Variants in KIF24 observed in about 807,000 individuals in gnomAD.
KIF24 encodes kinesin-like protein KIF24.
KIF24 carries 81 observed loss-of-function variants against 118.9 expected under a neutral mutation model. The ratio of observed to expected loss-of-function variants is 0.68; its 90% confidence interval spans 0.57 to 0.82. The LOEUF (loss-of-function observed/expected upper bound fraction) is 0.82, where lower values mean the gene tolerates loss of function less well. Among genes scored for constraint, KIF24 ranks in the 40% least tolerant of loss-of-function variants. The pLI is 0.00. For synonymous variants in KIF24, 599 were observed against 610.0 expected, an observed-to-expected ratio of 0.98 and a Z score of 0.27; for missense variants, 1,560 against 1,661.6, an observed-to-expected ratio of 0.94 and a Z score of 1.06.
At chr9:34,293,689 T>TGGCGTGAACCCAGGA (rs1836345852) in intron 4 of KIF24, among the ~76,000 whole-genome samples, 1 of 152,002 alleles carries the variant, frequency 6.6e-6, no homozygotes, top group African/African-American at 2.4e-5. Flanking sequence ...GGCAGGAGAA[T>TGGCGTGAACCCAGGA]GGCGTGAACC....
chr9:34,274,866 A>G (rs1024699095), intron 6 of KIF24, among the ~76,000 whole-genome samples: 1 of 140,874 alleles, frequency 7.1e-6, no homozygotes, highest in Admixed American at 7.4e-5. Context: ...ACTGGAGATC[A>G]TTATGTTAAG....
chr9:34,305,422 A>G (rs1304230848), intron 3 of KIF24, among the ~76,000 whole-genome samples: 1 of 152,144 alleles, frequency 6.6e-6, no homozygotes, highest in African/African-American at 2.4e-5. Context: ...GTGGCTGGCA[A>G]TTGTCGGTCC....
chr9:34,266,618 C>T (rs1835299043), intron 8 of KIF24, among the ~76,000 whole-genome samples: 1 of 147,958 alleles, frequency 6.8e-6, no homozygotes, highest in Admixed American at 6.9e-5. Context: ...GCAGAGGTTG[C>T]AGTGAGCCAA....
At chr9:34,301,215 G>A (rs1044012204) in intron 3 of KIF24, among the ~76,000 whole-genome samples, 9 of 152,106 alleles carry the variant, frequency 5.9e-5, no homozygotes, top group Non-Finnish European at 1.2e-4. Context: ...TAACACCTAC[G>A]TTGACCTTAC....
At chr9:34,302,715 C>T (rs1016356333) in intron 3 of KIF24, among the ~76,000 whole-genome samples, 1 of 152,016 alleles carries the variant, frequency 6.6e-6, no homozygotes, top group Non-Finnish European at 1.5e-5. Flanking sequence ...GATCTGCCCC[C>T]CTCATCCTCC....
At chr9:34,302,772 C>A (rs1836771270) in intron 3 of KIF24, among the ~76,000 whole-genome samples, 1 of 145,110 alleles carries the variant, frequency 6.9e-6, no homozygotes, top group East Asian at 2.0e-4. Context: ...TCACCACCAG[C>A]TAATTTTTTT....
At chr9:34,317,048 C>T (rs1232206327) in intron 1 of KIF24, among the ~76,000 whole-genome samples, 4 of 152,050 alleles carry the variant, frequency 2.6e-5, no homozygotes, top group Non-Finnish European at 5.9e-5. Context: ...AACGCCGTCT[C>T]TGCTAAAAAT....
At chr9:34,306,496 A>C in intron 2 of KIF24, 55 bp from the exon 3 acceptor site, 2 of 1,258,884 alleles carry the variant, frequency 1.6e-6, no homozygotes, top group Non-Finnish European at 2.2e-6. Context: ...AGATTACTTA[A>C]CAGGTCAAAG....
chr9:34,255,096 C>T lies in KIF24; in HGVS notation c.3942G>A (p.Thr1314=), dbSNP rs372218054. 68 of 1,594,042 alleles carry T rather than the reference C, an allele frequency of 4.3e-5. No individual in the cohort carries two copies. Among genetic ancestry groups the T allele is most frequent in the Admixed American group, 7.0e-5 (4 of 57,254 alleles). Residue 1314 remains threonine, a synonymous_variant, in exon 12 of 13, where the codon ACG becomes ACA. Coordinates refer to ENST00000402558, the MANE Select transcript of KIF24 (RefSeq NM_194313.4). ...CATTAGAAGCCAGCTGGCTCATCAG[C>T]GTCTCCTCCTTGAAGCCGAGCTCAG... ...EMAELGFKEE[T]LMSQLASNDF... is the part of the protein sequence containing the mutation.
At chr9:34,322,529 A>C (rs1320781852) in intron 1 of KIF24, among the ~76,000 whole-genome samples, 1 of 152,062 alleles carries the variant, frequency 6.6e-6, no homozygotes, top group Non-Finnish European at 1.5e-5. Context: ...AGAAGTTGCT[A>C]ACAAAGTCAC....
chr9:34,313,738 G>GTTTTTTTT (rs5897567), intron 1 of KIF24, among the ~76,000 whole-genome samples: 5 of 130,358 alleles, frequency 3.8e-5, no homozygotes, highest in Non-Finnish European at 3.3e-5. Context: ...CCCGTTATCT[G>GTTTTTTTT]TTTTTTTTTT....
rs1256442350 is a variant in KIF24, at chr9:34,311,239, T to C, written c.108A>G (p.Thr36=). ...CTCCTAATTTGGAGTAGTCCTTCAT[T>C]GTAATCTTGGCTAATTCATCTATTT... ...LQKIDELAKI[T]MKDYSKLGVH... Residue 36 remains threonine, a synonymous_variant, in exon 2 of 13, where the codon ACA becomes ACG. Transcript: ENST00000402558. The C allele has an allele frequency of 1.2e-5, 20 of 1,612,992 alleles. No homozygotes were observed. The highest frequency in any genetic ancestry group is 1.7e-5 in the Admixed American group (1 of 59,882).
intron 3 of KIF24, among the ~76,000 whole-genome samples, chr9:34,302,296 G>A (rs1406838363): frequency 2.6e-5 from 4 of 151,144 alleles, no homozygotes; most frequent in Non-Finnish European, 4.4e-5. Context: ...GCGGTGCCTG[G>A]CCTCTTTTTC....
Position 34,256,646 on chromosome 9 carries a change from G to A in KIF24, c.2961C>T (p.Ile987=). Residue 987 remains isoleucine (I), a synonymous_variant, in exon 11 of 13, where the codon ATC becomes ATT. Transcript: ENST00000402558. ...CAGGAACTGCAACGTGGGACAATGA[G>A]ATAGTGAAACCATCTTCCTCTGGGG... ...LPSPEEDGFT[I]SLSHVAVPGS... is the part of the protein sequence containing the mutation. 2 of 1,613,958 alleles carry A rather than the reference G, an allele frequency of 1.2e-6. No homozygotes were observed. The highest frequency in any genetic ancestry group is 8.5e-7 in the Non-Finnish European group (1 of 1,179,882).
At chr9:34,297,678 C>T (rs1050458443) in intron 3 of KIF24, among the ~76,000 whole-genome samples, 5 of 151,368 alleles carry the variant, frequency 3.3e-5, no homozygotes, top group African/African-American at 9.7e-5. Flanking sequence ...AGGAGAATGG[C>T]GTGAACCCAG....
chr9:34,306,441 T>C lies in KIF24; in HGVS notation c.624A>G (p.Arg208=). 1.9e-6 allele frequency: 3 copies of C among 1,572,902 alleles called. No homozygotes were observed. Among genetic ancestry groups the C allele is most frequent in the Non-Finnish European group, 2.6e-6 (3 of 1,160,484 alleles). ...YNYGIPHSCI[R]QNTSEKQNPW... is the part of the protein sequence containing the mutation. ...GATTCTGTTTCTCTGAAGTGTTCTG[T>C]CTAATATGTTTATAAACAGGCTTTT... Residue 208 remains arginine, a splice_region_variant and synonymous_variant, in exon 3 of 13, where the codon AGA becomes AGG. Coordinates refer to ENST00000402558, the MANE Select transcript of KIF24 (RefSeq NM_194313.4).
At chr9:34,309,620 T>G (rs1273973232) in intron 2 of KIF24, among the ~76,000 whole-genome samples, 2 of 151,682 alleles carry the variant, frequency 1.3e-5, no homozygotes, top group African/African-American at 2.4e-5. Flanking sequence ...TCTGCCTTCA[T>G]AGTCAAGGAA....
intron 3 of KIF24, among the ~76,000 whole-genome samples, chr9:34,300,837 ATTCGGC>A (rs1836672059): frequency 7.9e-6 from 1 of 126,248 alleles, no homozygotes; most frequent in South Asian, 2.9e-4. Context: ...ATGTGGATAT[ATTCGGC>A]ATTTCTCAAA....
rs1211546601 is a variant in KIF24 at position 34,269,419 on chromosome 9, ATTTTT to A, written c.1338-62_1338-58del. On this transcript the variant is annotated intron_variant, in intron 7 of 12. Coordinates refer to ENST00000402558, the MANE Select transcript of KIF24 (RefSeq NM_194313.4). The stretch of plus-strand genomic sequence containing the variant: ...GTGAAGCTTTATTTTATTTTATTTT[ATTTTT>A]ATTATTATTTTTTGAGACGGAGTCT... 5.9e-5 allele frequency: 48 copies of A among 820,106 alleles called. No homozygotes were observed. In the East Asian group the frequency reaches 1.5e-3, roughly 25 times the overall value. 50.8% of individuals were successfully genotyped at this position (820,106 alleles called of 1,614,324 possible).
Sources: allele counts gnomAD v4.1 joint callset (sites outside exome capture counted in the v4.1 genomes callset), GRCh38; gene constraint gnomAD v4.1.1; transcripts MANE v1.5; gene names NCBI Gene and HGNC (gene_info 2026-07-23, HGNC 2026-07-21).